The following AKAP9 variants were observed in gnomAD, a reference collection of about 807,000 sequenced individuals.
The protein encoded by AKAP9 is A-kinase anchoring protein 9.
AKAP9 carries 311 observed loss-of-function variants against 488.5 expected under a neutral mutation model. The observed-to-expected ratio is 0.64, with a 90% CI of 0.58 to 0.70. AKAP9 has a LOEUF of 0.70. Ranked by LOEUF, AKAP9 falls within the 30% of genes least tolerant of loss-of-function variation. The probability of loss-of-function intolerance (pLI) is 0.00; values close to 1 mark genes in which losing one functional copy is unlikely to be tolerated. For missense variants in AKAP9, 4,215 were observed against 4,374.5 expected, an observed-to-expected ratio of 0.96 and a Z score of 1.03; for synonymous variants, 1,462 against 1,483.5, an observed-to-expected ratio of 0.99 and a Z score of 0.33.
chr7:92,006,212 G>A (rs765110718), intron 8 of AKAP9, among the ~76,000 whole-genome samples: 9 of 151,132 alleles, frequency 6.0e-5, no homozygotes, highest in Non-Finnish European at 1.2e-4. Flanking sequence ...GTCTCATGGC[G>A]CAATCACAGC....
In AKAP9 at chr7:92,046,548, A is replaced by C. The variant is rs186223271; in HGVS notation, c.5368+1335A>C. ...AAACACCTTAGCTGAGTTCAAAGAT[A>C]GTTTTAAAAATTGTTTTTAGTAAAT... On this transcript the variant is annotated intron_variant, in intron 21 of 49. Transcript: ENST00000356239. 2.0e-5 allele frequency among the ~76,000 whole-genome samples: 3 copies of C among 152,360 alleles called. No homozygotes were observed. The East Asian group carries it at 5.8e-4, about 29-fold the overall frequency.
chr7:91,968,317 A>G (rs1046161010), intron 1 of AKAP9, among the ~76,000 whole-genome samples: 3 of 152,022 alleles, frequency 2.0e-5, no homozygotes, highest in Non-Finnish European at 2.9e-5. Flanking sequence ...TCATGGTTCA[A>G]TTTTGGTAGG....
chr7:91,960,099 A>G (rs556225910), intron 1 of AKAP9, among the ~76,000 whole-genome samples: 1 of 152,346 alleles, frequency 6.6e-6, no homozygotes, highest in African/African-American at 2.4e-5. Flanking sequence ...TGACAAGTAT[A>G]TATAGTCATC....
chr7:92,070,603 T>C (rs997526237), intron 27 of AKAP9, among the ~76,000 whole-genome samples: 1 of 151,962 alleles, frequency 6.6e-6, no homozygotes, highest in Non-Finnish European at 1.5e-5. Context: ...ACCAGCTGAT[T>C]TTTGTATTTT....
intron 16 of AKAP9, 62 bp downstream of exon 16, chr7:92,031,666 G>A: frequency 7.8e-7 from 1 of 1,277,564 alleles, no homozygotes; most frequent in Non-Finnish European, 1.1e-6. Flanking sequence ...CCTTCAAAAA[G>A]AACATAGATT....
At chr7:92,058,328 A>G in intron 22 of AKAP9, 1 of 577,340 alleles carries the variant, frequency 1.7e-6, no homozygotes, top group Non-Finnish European at 3.5e-6. Flanking sequence ...AATTGTTAAT[A>G]CTTCTATTTT....
intron 39 of AKAP9, among the ~76,000 whole-genome samples, chr7:92,093,702 ACTG>A (rs1397699706): frequency 6.6e-6 from 1 of 152,218 alleles, no homozygotes; most frequent in Non-Finnish European, 1.5e-5. Context: ...TGGTATAAAT[ACTG>A]AGATATTCTG....
In AKAP9 at chr7:92,012,841, C is replaced by G. The variant is rs1038221415; in HGVS notation, c.3532+199C>G. 1.1e-4 allele frequency among the ~76,000 whole-genome samples: 17 copies of G among 151,856 alleles called. 1 individual carries two copies. Among genetic ancestry groups the G allele is most frequent in the African/African-American group, 3.9e-4 (16 of 41,384 alleles). On this transcript the variant is annotated intron_variant, in intron 9 of 49. Coordinates refer to ENST00000356239, the MANE Select transcript of AKAP9 (RefSeq NM_005751.5). Reference sequence around the variant, plus strand: ...TCCCATAGGAAGTCACAATCCATTGCGAAAGCATATATAAAATAAACAATT... The same window carrying G: ...TCCCATAGGAAGTCACAATCCATTGGGAAAGCATATATAAAATAAACAATT...
intron 39 of AKAP9, among the ~76,000 whole-genome samples, chr7:92,093,943 C>T (rs552610581): frequency 1.1e-4 from 17 of 152,134 alleles, no homozygotes; most frequent in Middle Eastern, 3.4e-3. Context: ...CTCCACCACC[C>T]GGGTTCAAGT....
intron 2 of AKAP9, among the ~76,000 whole-genome samples, chr7:91,976,027 C>T (rs1242089586): frequency 6.0e-5 from 9 of 150,110 alleles, no homozygotes; most frequent in African/African-American, 2.2e-4. Context: ...CTCCCAGGTT[C>T]GAGTGATTCT....
chr7:92,031,388 T>A, intron 15 of AKAP9, 124 bp from the exon 16 acceptor site: 1 of 654,310 alleles, frequency 1.5e-6, no homozygotes, highest in Admixed American at 2.9e-5. Flanking sequence ...ATTTATTTTT[T>A]GCTGAAAGTA....
chr7:92,071,615 C>A (rs1811746458), intron 28 of AKAP9, among the ~76,000 whole-genome samples: 1 of 152,038 alleles, frequency 6.6e-6, no homozygotes, highest in Admixed American at 6.6e-5. Context: ...CTTATTTAAG[C>A]CTTTGTCTAC....
intron 16 of AKAP9, among the ~76,000 whole-genome samples, chr7:92,037,038 T>C (rs533783945): frequency 6.6e-6 from 1 of 152,276 alleles, no homozygotes; most frequent in African/African-American, 2.4e-5. Flanking sequence ...TAGACACATT[T>C]TGATTCAAAT....
intron 22 of AKAP9, chr7:92,058,115 G>A (rs1314214965): frequency 5.6e-6 from 3 of 539,828 alleles, no homozygotes; most frequent in South Asian, 4.8e-5. Context: ...ACTTTTTAAT[G>A]TATTAGAAAA....
At chr7:91,985,911 T>C (rs1797024404) in intron 3 of AKAP9, among the ~76,000 whole-genome samples, 1 of 152,164 alleles carries the variant, frequency 6.6e-6, no homozygotes, top group African/African-American at 2.4e-5. Context: ...CCTCCTAAAG[T>C]ACTGGGATTA....
chr7:92,047,055 A>T (rs568238409), intron 21 of AKAP9, among the ~76,000 whole-genome samples: 1 of 152,208 alleles, frequency 6.6e-6, no homozygotes, highest in South Asian at 2.1e-4. Context: ...ATAAATGGAT[A>T]ATTTAACTCA....
At chr7:91,990,526 G>T (rs993859120) in intron 3 of AKAP9, among the ~76,000 whole-genome samples, 1 of 151,890 alleles carries the variant, frequency 6.6e-6, no homozygotes, top group African/African-American at 2.4e-5. Context: ...AATATGTTTT[G>T]AAACAGTCAT....
chr7:92,037,055 C>T (rs2282972), intron 16 of AKAP9, among the ~76,000 whole-genome samples: 60,917 of 151,830 alleles, frequency 0.4, 12,506 homozygotes, highest in African/African-American at 0.47. Flanking sequence ...AAATTTCTGC[C>T]GTAATATTTA....
intron 10 of AKAP9, among the ~76,000 whole-genome samples, chr7:92,015,842 G>A (rs1318518793): frequency 1.3e-5 from 2 of 152,148 alleles, no homozygotes; most frequent in Non-Finnish European, 2.9e-5. Flanking sequence ...AAGCTAGGAA[G>A]TGGTTGATTA....
Sources: gnomAD v4.1 joint callset for allele counts (sites outside exome capture counted in the v4.1 genomes callset) on GRCh38, gnomAD v4.1.1 for gene constraint, MANE v1.5 for transcripts, NCBI Gene and HGNC (gene_info 2026-07-23, HGNC 2026-07-21) for gene names.